STARD8: variants seen among roughly 807,000 people sequenced by gnomAD.
The protein encoded by STARD8 is StAR related lipid transfer domain containing 8.
In STARD8, 25 loss-of-function variants were observed where a neutral mutation model predicts 69.4. The observed-to-expected ratio is 0.36, with a 90% CI of 0.26 to 0.50. The LOEUF is 0.50. STARD8 is among the 20% of genes least tolerant of loss of function. The probability of loss-of-function intolerance (pLI) is 0.96; values close to 1 mark genes in which losing one functional copy is unlikely to be tolerated. For missense variants in STARD8, 921 were observed against 932.5 expected (o/e 0.99, Z 0.16); for synonymous variants, 389 against 374.6 (o/e 1.04, Z -0.45).
At chrX:68,653,559 TACACCACACAC>T (rs1489215255) in intron 1 of STARD8, among the ~76,000 whole-genome samples, 11 of 32,243 alleles carry the variant, frequency 3.4e-4, no homozygotes, top group Middle Eastern at 0.043. Flanking sequence ...ACAGCACACA[TACACCACACAC>T]ACACCACACA....
intron 2 of STARD8, chrX:68,693,945 G>A (rs979129804): frequency 5.6e-6 from 3 of 535,870 alleles, no homozygotes; most frequent in Non-Finnish European, 6.8e-6. Context: ...CGGTTCCGCC[G>A]GGCGGCGTAC....
intron 2 of STARD8, among the ~76,000 whole-genome samples, chrX:68,690,165 C>T (rs1223996153): frequency 9.1e-6 from 1 of 110,213 alleles, no homozygotes; most frequent in Non-Finnish European, 1.9e-5. Context: ...GTACAAGTGT[C>T]AGAGCCTGTG....
At chrX:68,698,865 A>C (rs1392861416) in intron 2 of STARD8, among the ~76,000 whole-genome samples, 2 of 111,171 alleles carry the variant, frequency 1.8e-5, no homozygotes, top group African/African-American at 6.5e-5. Context: ...CCTTTCAGCT[A>C]TGCAAGTATG....
At chrX:68,706,064 G>A (rs1044286545) in intron 2 of STARD8, among the ~76,000 whole-genome samples, 1 of 111,738 alleles carries the variant, frequency 8.9e-6, no homozygotes. Flanking sequence ...TTTGTGACAG[G>A]GAGGCTCCAG....
chrX:68,684,516 C>T (rs2079819354), intron 2 of STARD8, among the ~76,000 whole-genome samples: 1 of 112,997 alleles, frequency 8.8e-6, no homozygotes, highest in South Asian at 3.6e-4. Flanking sequence ...GGAAACTCCT[C>T]TGCTTGGAGG....
Position 68,718,010 on chromosome X carries a change from C to A in STARD8, c.1096C>A (p.Pro366Thr), listed in dbSNP as rs2080110021. The change falls in exon 6 of 15, where the codon CCT (proline) becomes ACT (threonine). Residue 366 changes from proline to threonine, a missense_variant. Pro to Thr is a conservative substitution (Grantham distance 38). Transcript: ENST00000374599. ...CTTGCCTGAGCTGTACCCAGCTGAG[C>A]CTGTAATGGTTGGGGCTGAGGCTGA... The part of the protein sequence containing the change: ...DNLPELYPAE[P>T]VMVGAEAEDE... 8.3e-7 allele frequency: 1 copy of A among 1,210,363 alleles called. No individual in the cohort carries two copies. The highest frequency in any genetic ancestry group is 1.7e-5 in the African/African-American group (1 of 57,720).
At chrX:68,678,882 C>T (rs912668920) in intron 2 of STARD8, among the ~76,000 whole-genome samples, 2 of 112,284 alleles carry the variant, frequency 1.8e-5, no homozygotes, top group African/African-American at 6.5e-5. Context: ...TGGAGACAAA[C>T]GGCCTGTATT....
At position 68,720,968 on chromosome X, in the gene STARD8, C is replaced by T; in HGVS notation, c.2094C>T (p.Asn698=). 1 of 1,211,665 alleles carries T rather than the reference C, an allele frequency of 8.3e-7. No individual in the cohort carries two copies. Among genetic ancestry groups the T allele is most frequent in the African/African-American group, 1.7e-5 (1 of 57,759 alleles). The change falls in exon 9 of 15, where the codon AAC becomes AAT. Residue 698 remains asparagine (N), a synonymous_variant. Coordinates refer to ENST00000374599, the MANE Select transcript of STARD8 (RefSeq NM_001142503.3). The part of the protein sequence containing the change: ...RKSGVKSRIQ[N]LRQMNETSPD... The stretch of plus-strand genomic sequence containing the variant: ...CTGGGGTCAAGTCCAGGATCCAGAA[C>T]CTGCGTCAAATGAATGAGACCTCGC...
At position 68,717,396 on chromosome X, in the gene STARD8, T is replaced by C; in HGVS notation, c.482T>C (p.Ile161Thr). The C allele has an allele frequency of 8.3e-7, 1 of 1,208,911 alleles. No homozygotes were observed. The highest frequency in any genetic ancestry group is 1.7e-5 in the African/African-American group (1 of 57,232). Residue 161 changes from isoleucine (I) to threonine (T), a missense_variant, in exon 6 of 15, where the codon ATC becomes ACC. Physicochemically the swap from Ile to Thr is moderately conservative, Grantham distance 89 (BLOSUM62 -1). Coordinates refer to ENST00000374599, the MANE Select transcript of STARD8 (RefSeq NM_001142503.3). ...TELSATSLPV[I>T]TVSLPPEPAD... ...CTTAGTGCCACCTCTCTGCCAGTCA[T>C]CACCGTGAGCCTACCACCCGAGCCA...
rs1228277353 is a variant in STARD8, at chrX:68,725,750, C to G, written c.*1328C>G. ...TGGTGGGGGCAAGTGTCTGGAAGGC[C>G]TGAGGGGCACTTCAGATGAGAATGG... On this transcript the variant is annotated 3_prime_UTR_variant, in exon 15 of 15. Coordinates refer to ENST00000374599, the MANE Select transcript of STARD8 (RefSeq NM_001142503.3). 1 of 108,922 alleles carries G rather than the reference C, an allele frequency of 9.2e-6. No homozygotes were observed. Among genetic ancestry groups the G allele is most frequent in the Non-Finnish European group, 1.9e-5 (1 of 52,549 alleles). The allele number at this position is 108,922 out of a possible 1,213,427, so 9.0% of individuals were successfully genotyped here.
chrX:68,712,838 A>G, intron 2 of STARD8, 76 bp from the exon 3 acceptor site: 1 of 983,749 alleles, frequency 1.0e-6, no homozygotes, highest in Non-Finnish European at 1.4e-6. Context: ...GTTGGGCAGC[A>G]TGCACCTAGG....
At chrX:68,678,095 C>T (rs1011327109) in intron 2 of STARD8, among the ~76,000 whole-genome samples, 1 of 110,287 alleles carries the variant, frequency 9.1e-6, no homozygotes, top group East Asian at 2.9e-4. Flanking sequence ...TGGGAAGGGG[C>T]GAGACTCTGC....
intron 2 of STARD8, among the ~76,000 whole-genome samples, chrX:68,712,543 T>C (rs1180153770): frequency 1.8e-5 from 2 of 112,225 alleles, no homozygotes; most frequent in Non-Finnish European, 3.8e-5. Context: ...AGGGGGTGAG[T>C]CCCTCAGAAA....
chrX:68,679,974 T>C (rs2079791167), intron 2 of STARD8, among the ~76,000 whole-genome samples: 1 of 112,003 alleles, frequency 8.9e-6, no homozygotes, highest in Non-Finnish European at 1.9e-5. Flanking sequence ...CTTCCATGTA[T>C]GTGCACCCCT....
chrX:68,721,908 G>T, intron 10 of STARD8, 139 bp from the exon 11 acceptor site: 1 of 783,806 alleles, frequency 1.3e-6, no homozygotes, highest in Non-Finnish European at 1.8e-6. Flanking sequence ...CTGTGGAGCA[G>T]GGCCTTCCAA....
intron 2 of STARD8, among the ~76,000 whole-genome samples, chrX:68,692,468 G>A (rs980727691): frequency 8.9e-6 from 1 of 111,979 alleles, no homozygotes; most frequent in African/African-American, 3.3e-5. Flanking sequence ...GTCTTTCCCT[G>A]GGTGACCTTG....
chrX:68,649,594 G>A (rs1241048326), intron 1 of STARD8, among the ~76,000 whole-genome samples: 2 of 110,635 alleles, frequency 1.8e-5, no homozygotes, highest in Non-Finnish European at 3.8e-5. Flanking sequence ...GTGGGGGTGG[G>A]GATTCAAATG....
chrX:68,719,054 G>A (rs2080123250), intron 6 of STARD8, among the ~76,000 whole-genome samples, 171 bp from the exon 7 acceptor site: 1 of 111,124 alleles, frequency 9.0e-6, no homozygotes, highest in Non-Finnish European at 1.9e-5. Flanking sequence ...CTAAGAAGCT[G>A]AGTCCAAGCT....
intron 2 of STARD8, among the ~76,000 whole-genome samples, chrX:68,676,547 G>T (rs7883456): frequency 8.9e-6 from 1 of 111,837 alleles, no homozygotes; most frequent in Non-Finnish European, 1.9e-5. Flanking sequence ...CCCAAACCCC[G>T]TCTCAACCTG....
Sources: gnomAD v4.1 joint callset for allele counts (sites outside exome capture counted in the v4.1 genomes callset) on GRCh38, gnomAD v4.1.1 for gene constraint, MANE v1.5 for transcripts, NCBI Gene and HGNC (gene_info 2026-07-23, HGNC 2026-07-21) for gene names.